Variants in CECR2 observed in about 807,000 individuals in gnomAD.
CECR2 encodes the protein chromatin remodeling regulator CECR2.
In CECR2, 30 loss-of-function variants were observed where a neutral mutation model predicts 154.5. The ratio of observed to expected loss-of-function variants is 0.19; its 90% CI spans 0.15 to 0.26. CECR2 has a LOEUF of 0.26. CECR2 is among the 10% of genes least tolerant of loss of function. CECR2 has a pLI of 1.00. For synonymous variants in CECR2, 725 were observed against 683.7 expected, an observed-to-expected ratio of 1.06 and a Z score of -0.94; for missense variants, 1,743 against 1,829.3, an observed-to-expected ratio of 0.95 and a Z score of 0.86.
chr22:17,477,091 T>TA (rs2055220442), intron 1 of CECR2: 1 of 719,516 alleles, frequency 1.4e-6, no homozygotes. Context: ...CATTATCACT[T>TA]ACTAACAAAT....
intron 8 of CECR2, among the ~76,000 whole-genome samples, chr22:17,519,493 C>T (rs1239248521): frequency 1.3e-5 from 2 of 151,972 alleles, no homozygotes; most frequent in African/African-American, 2.4e-5. Context: ...CTCCTGACCT[C>T]GTGAACCACC....
intron 1 of CECR2, among the ~76,000 whole-genome samples, chr22:17,461,559 C>T (rs9618028): frequency 4.6e-5 from 7 of 152,150 alleles, no homozygotes; most frequent in African/African-American, 1.4e-4. Flanking sequence ...TGATGGCTTT[C>T]GTTATCAGTA....
chr22:17,551,896 T>G, intron 17 of CECR2, 135 bp from the exon 18 acceptor site: 1 of 758,408 alleles, frequency 1.3e-6, no homozygotes, highest in Non-Finnish European at 2.2e-6. Flanking sequence ...GAATGTCGAG[T>G]TGTCCCAGTA....
chr22:17,521,722 G>A (rs541578599), intron 8 of CECR2, among the ~76,000 whole-genome samples: 2 of 152,264 alleles, frequency 1.3e-5, no homozygotes, highest in African/African-American at 2.4e-5. Flanking sequence ...TCTGATGGTA[G>A]TTTCTTTTGC....
intron 1 of CECR2, among the ~76,000 whole-genome samples, chr22:17,403,791 G>A (rs1057324002): frequency 1.3e-5 from 2 of 151,848 alleles, no homozygotes; most frequent in African/African-American, 4.8e-5. Flanking sequence ...CTAATCTAAG[G>A]TCACAAAGGT....
chr22:17,360,833 G>A (rs1360090141), intron 1 of CECR2, among the ~76,000 whole-genome samples: 1 of 141,494 alleles, frequency 7.1e-6, no homozygotes, highest in East Asian at 2.1e-4. Context: ...AATAAAGTGA[G>A]ACCCTGTCTC....
intron 1 of CECR2, among the ~76,000 whole-genome samples, chr22:17,405,446 T>C (rs2053967108): frequency 7.3e-6 from 1 of 136,586 alleles, no homozygotes; most frequent in Non-Finnish European, 1.6e-5. Context: ...TAAAATAAGA[T>C]AAAATAAAAA....
At chr22:17,531,205 A>G (rs1407415782) in intron 9 of CECR2, among the ~76,000 whole-genome samples, 1 of 152,214 alleles carries the variant, frequency 6.6e-6, no homozygotes, top group East Asian at 1.9e-4. Flanking sequence ...TAGAAAACAA[A>G]AAAAAAGGTT....
At chr22:17,381,897 G>GT (rs11410732) in intron 1 of CECR2, among the ~76,000 whole-genome samples, 6,683 of 139,784 alleles carry the variant, frequency 0.048, 271 homozygotes, top group East Asian at 0.17. Flanking sequence ...TTTTTTTTTT[G>GT]TTTTTTTTGA....
At chr22:17,513,497 C>G (rs552327062) in intron 8 of CECR2, among the ~76,000 whole-genome samples, 11 of 152,296 alleles carry the variant, frequency 7.2e-5, no homozygotes, top group African/African-American at 2.6e-4. Context: ...AAAGGGAAAG[C>G]TAATTTATAA....
At chr22:17,364,098 C>A (rs2062989426) in intron 1 of CECR2, among the ~76,000 whole-genome samples, 1 of 152,026 alleles carries the variant, frequency 6.6e-6, no homozygotes, top group Admixed American at 6.6e-5. Context: ...AATCCCAGCA[C>A]TTTGGGAGGC....
chr22:17,492,439 C>T (rs1434060400), intron 2 of CECR2, among the ~76,000 whole-genome samples: 2 of 152,262 alleles, frequency 1.3e-5, no homozygotes, highest in Non-Finnish European at 2.9e-5. Context: ...CAGGTCGTGC[C>T]GTCCTTGGTC....
At chr22:17,390,572 T>C (rs1226120404) in intron 1 of CECR2, among the ~76,000 whole-genome samples, 1 of 152,190 alleles carries the variant, frequency 6.6e-6, no homozygotes, top group African/African-American at 2.4e-5. Flanking sequence ...TTTTTACAAG[T>C]TGGCGTGCAG....
chr22:17,432,019 G>A (rs1326029181), intron 1 of CECR2, among the ~76,000 whole-genome samples: 1 of 149,620 alleles, frequency 6.7e-6, no homozygotes, highest in Non-Finnish European at 1.5e-5. Flanking sequence ...TTTCCTGTAA[G>A]TGGAATCACA....
At chr22:17,394,197 C>CTTTTT (rs71200271) in intron 1 of CECR2, among the ~76,000 whole-genome samples, 4 of 97,096 alleles carry the variant, frequency 4.1e-5, no homozygotes, top group African/African-American at 4.2e-5. Flanking sequence ...GCTGCCGCTG[C>CTTTTT]TTTTTTTTTT....
At chr22:17,470,621 T>G (rs560386393) in intron 1 of CECR2, among the ~76,000 whole-genome samples, 2 of 152,192 alleles carry the variant, frequency 1.3e-5, no homozygotes, top group Non-Finnish European at 2.9e-5. Flanking sequence ...TTTCTTTTCC[T>G]GGACAGGATT....
At position 17,557,765 on chromosome 22, in the gene CECR2, C is replaced by G. The variant is rs1282151781; in HGVS notation, c.*4925C>G. 3 of 152,292 alleles carry G rather than the reference C, an allele frequency of 2.0e-5. No homozygotes were observed. The highest frequency in any genetic ancestry group is 7.2e-5 in the African/African-American group (3 of 41,442). 9.4% of individuals were successfully genotyped at this position (152,292 alleles called of 1,614,324 possible). A position where few individuals can be genotyped will look rare whatever the true frequency, so the allele number is the denominator to read the frequency against. On this transcript the variant is annotated 3_prime_UTR_variant, in exon 19 of 19. Coordinates refer to ENST00000262608, the MANE Select transcript of CECR2 (RefSeq NM_001290047.2). ...GCAGCCCCTTCCCTTCCCTTCCCTT[C>G]CCTTCCTTTCCCTTCCCTAGCCAGG...
chr22:17,414,166 A>G (rs2905577), intron 1 of CECR2, among the ~76,000 whole-genome samples: 83,032 of 148,292 alleles, frequency 0.56, 24,485 homozygotes, highest in Admixed American at 0.65. Context: ...TAGAGATGGG[A>G]TTTCACTGTG....
intron 1 of CECR2, among the ~76,000 whole-genome samples, chr22:17,374,399 A>C (rs111295161): frequency 3.3e-5 from 5 of 152,322 alleles, no homozygotes; most frequent in African/African-American, 1.2e-4. Context: ...TAATAGAAAT[A>C]GCTAAAAGAA....
Sources: allele counts gnomAD v4.1 joint callset (sites outside exome capture counted in the v4.1 genomes callset), GRCh38; gene constraint gnomAD v4.1.1; transcripts MANE v1.5; gene names NCBI Gene and HGNC (gene_info 2026-07-23, HGNC 2026-07-21).